Variants in ABCC3 observed in about 807,000 individuals in gnomAD.
ABCC3 encodes ATP binding cassette subfamily C member 3, also known as ATP-binding cassette sub-family C member 3.
A neutral mutation model predicts 165.3 loss-of-function variants in ABCC3; 121 were observed. The observed-to-expected ratio is 0.73, with a 90% CI of 0.63 to 0.85. The LOEUF (loss-of-function observed/expected upper bound fraction) is 0.85. ABCC3 is among the 40% of genes least tolerant of loss of function. The pLI, the probability that ABCC3 is intolerant of heterozygous loss-of-function variation, is 0.00. For missense variants in ABCC3, 1,869 were observed against 1,964.1 expected (o/e 0.95, Z 0.92); for synonymous variants, 733 against 810.1 (o/e 0.90, Z 1.62).
At chr17:50,658,365 A>C in intron 5 of ABCC3, 70 bp from the exon 6 acceptor site, 1 of 1,585,712 alleles carries the variant, frequency 6.3e-7, no homozygotes, top group East Asian at 2.2e-5. Flanking sequence ...GGTCCCCTCC[A>C]TTTCCCTACT....
Position 50,683,659 on chromosome 17 carries a change from G to A in ABCC3, c.3857G>A (p.Arg1286His), listed in dbSNP as rs572541933. ...GSRPPEGWPPRGEVEFRNYSV... is the reference protein window; with the variant it reads ...GSRPPEGWPPHGEVEFRNYSV... ...CGCCCTCCCGAAGGTTGGCCCCCACGTGGGGAGGTGGAGTTCCGGAATTAT... is the reference window on the plus strand; with the variant it reads ...CGCCCTCCCGAAGGTTGGCCCCCACATGGGGAGGTGGAGTTCCGGAATTAT... Residue 1286 changes from arginine (R) to histidine (H), a missense_variant, in exon 27 of 31, where the codon CGT (arginine) becomes CAT (histidine). Transcript: ENST00000285238. 4.3e-5 allele frequency: 69 copies of A among 1,602,674 alleles called. No homozygotes were observed. Among genetic ancestry groups the A allele is most frequent in the Middle Eastern group, 1.7e-4 (1 of 6,024 alleles).
At chr17:50,640,155 T>C (rs760149732) in intron 1 of ABCC3, among the ~76,000 whole-genome samples, 1 of 152,186 alleles carries the variant, frequency 6.6e-6, no homozygotes, top group East Asian at 1.9e-4. Context: ...CTCTGCTCCC[T>C]CAGCTCTGTG....
At position 50,656,944 on chromosome 17, in the gene ABCC3, A is replaced by G. The variant is rs995735161; in HGVS notation, c.349-102A>G. ...GGACATATTGGGAATGGGAAGAAGA[A>G]GGGGGTGGCCCCAGAAACTTCTGGC... On this transcript the variant is annotated intron_variant, in intron 3 of 30. Coordinates refer to ENST00000285238, the MANE Select transcript of ABCC3 (RefSeq NM_003786.4). The G allele has an allele frequency of 1.3e-5, 20 of 1,549,460 alleles. No individual in the cohort carries two copies. In the African/African-American group the frequency reaches 2.8e-4, roughly 21 times the overall value.
chr17:50,669,671 T>A (rs1285505024), intron 17 of ABCC3, 143 bp downstream of exon 17: 2 of 845,428 alleles, frequency 2.4e-6, no homozygotes, highest in African/African-American at 1.7e-5. Context: ...GGGAAACAGA[T>A]CTATTAGCAG....
chr17:50,657,253 C>T lies in ABCC3; in HGVS notation c.486+70C>T, dbSNP rs1231393801. Reference sequence around the variant, plus strand: ...GGAGGGTGACCTCAGGGTTCAAAGTCACTGCTGGGTCCCAGGTCCCTCCCT... The same window carrying T: ...GGAGGGTGACCTCAGGGTTCAAAGTTACTGCTGGGTCCCAGGTCCCTCCCT... On this transcript the variant is annotated intron_variant, in intron 4 of 30. Coordinates refer to ENST00000285238, the MANE Select transcript of ABCC3 (RefSeq NM_003786.4). The T allele has an allele frequency of 1.3e-5, 20 of 1,570,864 alleles. No homozygotes were observed. The Admixed American group carries it at 3.5e-4, about 27-fold the overall frequency.
intron 8 of ABCC3, among the ~76,000 whole-genome samples, chr17:50,662,637 CAAAA>C (rs60389534): frequency 1.6e-4 from 12 of 74,896 alleles, no homozygotes; most frequent in South Asian, 4.6e-4. Context: ...GACCCTGTCT[CAAAA>C]AAAAAAAAAA....
rs1967463111 is a variant in ABCC3, at chr17:50,663,993, G to A, written c.1220G>A (p.Gly407Glu). 5 of 1,614,062 alleles carry A rather than the reference G, an allele frequency of 3.1e-6. No homozygotes were observed. The highest frequency in any genetic ancestry group is 1.3e-5 in the African/African-American group (1 of 74,928). The change falls in exon 10 of 31, where the codon GGG becomes GAG. Residue 407 changes from glycine (G) to glutamate (E), a missense_variant. Gly to Glu is a moderately conservative substitution (Grantham distance 98). Transcript: ENST00000285238. The stretch of plus-strand genomic sequence containing the variant: ...TCAGTCAAACGTGCGTCCACTGTGG[G>A]GGAAATTGTCAACCTCATGTCAGTG... The part of the protein sequence containing the change: ...TNSVKRASTV[G>E]EIVNLMSVDA...
At chr17:50,638,643 T>C (rs1385887160) in intron 1 of ABCC3, among the ~76,000 whole-genome samples, 1 of 152,172 alleles carries the variant, frequency 6.6e-6, no homozygotes, top group Non-Finnish European at 1.5e-5. Flanking sequence ...TAGAAGCAGC[T>C]CTTGGTAGAG....
chr17:50,656,004 A>G lies in ABCC3; in HGVS notation c.218A>G (p.Lys73Arg), dbSNP rs1049695167. 1 of 1,613,336 alleles carries G rather than the reference A, an allele frequency of 6.2e-7. No individual in the cohort carries two copies. The highest frequency in any genetic ancestry group is 8.5e-7 in the Non-Finnish European group (1 of 1,179,680). Residue 73 changes from lysine to arginine, a missense_variant, in exon 2 of 31, where the codon AAG (lysine) becomes AGG (arginine). Physicochemically the swap from Lys to Arg is conservative, Grantham distance 26 (BLOSUM62 2). Transcript: ENST00000285238. ...YIILSHLSKLKMVLGVLLWCV... is the reference protein window; with the variant it reads ...YIILSHLSKLRMVLGVLLWCV... ...ATCCTCTCCCACCTGTCCAAGCTCAAGATGGTCAGTGGCTCAGGGATCTCC... is the reference window on the plus strand; with the variant it reads ...ATCCTCTCCCACCTGTCCAAGCTCAGGATGGTCAGTGGCTCAGGGATCTCC...
chr17:50,645,001 G>T (rs1047521391), intron 1 of ABCC3, among the ~76,000 whole-genome samples: 3 of 152,180 alleles, frequency 2.0e-5, no homozygotes, highest in African/African-American at 7.2e-5. Flanking sequence ...CTGGGCGACA[G>T]AGCGAGACTC....
Position 50,659,256 on chromosome 17 carries a change from C to G in ABCC3, c.694C>G (p.Arg232Gly). 1.2e-6 allele frequency: 2 copies of G among 1,613,786 alleles called. No homozygotes were observed. The highest frequency in any genetic ancestry group is 1.7e-6 in the Non-Finnish European group (2 of 1,179,820). ...WFTKMAIYGY[R>G]HPLEEKDLWS... The stretch of plus-strand genomic sequence containing the variant: ...CCCCAGGATGGCCATCTATGGCTAC[C>G]GGCATCCCCTGGAGGAGAAGGACCT... Residue 232 changes from arginine to glycine, a missense_variant, in exon 7 of 31, where the codon CGG becomes GGG. Coordinates refer to ENST00000285238, the MANE Select transcript of ABCC3 (RefSeq NM_003786.4).
chr17:50,663,717 C>G lies in ABCC3; in HGVS notation c.1035C>G (p.Pro345=). ...LIRFISNPMA[P]SWWGFLVAGL... is the part of the protein sequence containing the mutation. ...GGTTTATCTCCAACCCCATGGCCCC[C>G]TCCTGGTGGGGCTTCCTGGTGGCTG... The change falls in exon 9 of 31, where the codon CCC becomes CCG. Residue 345 remains proline, a synonymous_variant. Transcript: ENST00000285238. 1.2e-6 allele frequency: 2 copies of G among 1,614,228 alleles called. No individual in the cohort carries two copies. The highest frequency in any genetic ancestry group is 1.7e-6 in the Non-Finnish European group (2 of 1,180,044).
Position 50,664,006 on chromosome 17 carries a change from C to A in ABCC3, c.1233C>A (p.Asn411Lys). 1 of 1,614,134 alleles carries A rather than the reference C, an allele frequency of 6.2e-7. No individual in the cohort carries two copies. The highest frequency in any genetic ancestry group is 8.5e-7 in the Non-Finnish European group (1 of 1,179,976). Residue 411 changes from asparagine (N) to lysine (K), a missense_variant, in exon 10 of 31, where the codon AAC becomes AAA. Transcript: ENST00000285238. ...CGTCCACTGTGGGGGAAATTGTCAA[C>A]CTCATGTCAGTGGATGCCCAGCGCT... ...KRASTVGEIV[N>K]LMSVDAQRFM... is the part of the protein sequence containing the mutation.
chr17:50,655,656 T>C (rs896676321), intron 1 of ABCC3, among the ~76,000 whole-genome samples, 176 bp from the exon 2 acceptor site: 3 of 152,106 alleles, frequency 2.0e-5, no homozygotes, highest in Non-Finnish European at 2.9e-5. Flanking sequence ...CATGGCGTCC[T>C]TGGAGAATTC....
chr17:50,676,173 T>A lies in ABCC3; in HGVS notation c.3067+83T>A, dbSNP rs1157484052. The A allele has an allele frequency of 1.8e-5, 28 of 1,595,230 alleles. No individual in the cohort carries two copies. In the East Asian group the frequency reaches 5.8e-4, roughly 33 times the overall value. On this transcript the variant is annotated intron_variant, in intron 22 of 30. Transcript: ENST00000285238. Reference sequence around the variant, plus strand: ...AGGCCCCCCAAACCGTGCCCTTGCATCCAAGCCTCCCTAACCCACTCTGGT... The same window carrying A: ...AGGCCCCCCAAACCGTGCCCTTGCAACCAAGCCTCCCTAACCCACTCTGGT...
rs2146642802 is a variant in ABCC3, at chr17:50,683,792, A to G, written c.3954+36A>G. On this transcript the variant is annotated intron_variant, in intron 27 of 30. Transcript: ENST00000285238. Reference sequence around the variant, plus strand: ...GGTAGGCGGGCCTGCGTGTGTGTTCATGCCTGCAGACATGGCCACAGCCCT... The same window carrying G: ...GGTAGGCGGGCCTGCGTGTGTGTTCGTGCCTGCAGACATGGCCACAGCCCT... The G allele has an allele frequency of 3.8e-6, 6 of 1,586,904 alleles. No individual in the cohort carries two copies. The East Asian group carries it at 1.4e-4, about 36-fold the overall frequency.
Position 50,667,271 on chromosome 17 carries a change from A to G in ABCC3, c.1432-283A>G, listed in dbSNP as rs181273483. 8.6e-5 allele frequency among the ~76,000 whole-genome samples: 13 copies of G among 151,918 alleles called. No individual in the cohort carries two copies. The East Asian group carries it at 2.3e-3, about 27-fold the overall frequency. On this transcript the variant is annotated intron_variant, in intron 11 of 30. Transcript: ENST00000285238. Reference sequence around the variant, plus strand: ...AATAAGAAGAAGAAAAAGAAGTAGTAGGAGAAGAAACCCAGGGCAGGGGAC... The same window carrying G: ...AATAAGAAGAAGAAAAAGAAGTAGTGGGAGAAGAAACCCAGGGCAGGGGAC...
chr17:50,655,698 C>A, intron 1 of ABCC3, 134 bp from the exon 2 acceptor site: 1 of 744,970 alleles, frequency 1.3e-6, no homozygotes, highest in Non-Finnish European at 2.2e-6. Flanking sequence ...CATTTGTGTA[C>A]TCTCTCCTCC....
chr17:50,639,384 G>A (rs572436976), intron 1 of ABCC3, among the ~76,000 whole-genome samples: 3 of 152,288 alleles, frequency 2.0e-5, no homozygotes, highest in African/African-American at 4.8e-5. Context: ...AGAGAGATAC[G>A]GGGAAGGAAG....
Sources: gnomAD v4.1 joint callset for allele counts (sites outside exome capture counted in the v4.1 genomes callset) on GRCh38, gnomAD v4.1.1 for gene constraint, MANE v1.5 for transcripts, NCBI Gene and HGNC (gene_info 2026-07-23, HGNC 2026-07-21) for gene names.